The following RALGAPA2 variants were observed in gnomAD, a reference collection of about 807,000 sequenced individuals.
RALGAPA2 encodes the protein Ral GTPase activating protein catalytic subunit alpha 2.
A neutral mutation model predicts 230.4 loss-of-function variants in RALGAPA2; 139 were observed. That is an observed-to-expected ratio of 0.60 (90% CI 0.53 to 0.69). The LOEUF is 0.69. RALGAPA2 is among the 30% of genes least tolerant of loss of function. The pLI is 0.00. For missense variants in RALGAPA2, 2,163 were observed against 2,276.0 expected, an observed-to-expected ratio of 0.95 and a Z score of 1.01; for synonymous variants, 847 against 837.8, an observed-to-expected ratio of 1.01 and a Z score of -0.19.
At chr20:20,707,290 C>T (rs2069645096) in intron 1 of RALGAPA2, among the ~76,000 whole-genome samples, 1 of 152,034 alleles carries the variant, frequency 6.6e-6, no homozygotes, top group African/African-American at 2.4e-5. Context: ...AACAAGTCAT[C>T]GAATGTTCAA....
chr20:20,501,031 C>T (rs553682008), intron 35 of RALGAPA2, among the ~76,000 whole-genome samples: 3 of 152,310 alleles, frequency 2.0e-5, no homozygotes, highest in East Asian at 1.9e-4. Context: ...TCTAAACAGA[C>T]GTGCTGTCAT....
chr20:20,637,290 CAAAG>C, intron 8 of RALGAPA2, 69 bp downstream of exon 8: 1 of 1,231,408 alleles, frequency 8.1e-7, no homozygotes. Flanking sequence ...TTAAAATAAT[CAAAG>C]GTCACTTTGA....
intron 1 of RALGAPA2, among the ~76,000 whole-genome samples, chr20:20,709,359 A>T (rs1214942200): frequency 6.6e-6 from 1 of 151,962 alleles, no homozygotes; most frequent in South Asian, 2.1e-4. Flanking sequence ...GTGGTGGTAC[A>T]TGCCTGTAGC....
chr20:20,552,580 C>A (rs2063959302), intron 23 of RALGAPA2, among the ~76,000 whole-genome samples: 1 of 152,044 alleles, frequency 6.6e-6, no homozygotes. Context: ...ATGATTCATT[C>A]TATACTTGGA....
intron 38 of RALGAPA2, 109 bp from the exon 39 acceptor site, chr20:20,396,843 G>A (rs1602247175): frequency 1.1e-6 from 1 of 906,998 alleles, no homozygotes; most frequent in Non-Finnish European, 1.7e-6. Flanking sequence ...AGCTGCCCAA[G>A]CATTTCTGCA....
At chr20:20,410,818 G>A (rs1047036434) in intron 38 of RALGAPA2, among the ~76,000 whole-genome samples, 5 of 151,998 alleles carry the variant, frequency 3.3e-5, no homozygotes, top group Admixed American at 1.3e-4. Context: ...GTTCCTTGAC[G>A]CCTCACCAGG....
chr20:20,429,461 C>T (rs899811106), intron 37 of RALGAPA2, among the ~76,000 whole-genome samples: 2 of 152,166 alleles, frequency 1.3e-5, no homozygotes, highest in Non-Finnish European at 2.9e-5. Flanking sequence ...TGGTGACTTT[C>T]TAGCTAAATC....
In RALGAPA2 at chr20:20,398,341, G is replaced by C. The variant is rs2059762079; in HGVS notation, c.5618-1607C>G. On this transcript the variant is annotated intron_variant, in intron 38 of 39. Transcript: ENST00000202677. This position sits in a 1 kb window ranked among gnomAD's most constrained non-coding sequence, Gnocchi z 4.5. The stretch of plus-strand genomic sequence containing the variant: ...AACAATGGAGGACTTGTTTGTAATT[G>C]CTGATGAGGACTGGGTTGCCCCTCT... Among the ~76,000 whole-genome samples the C allele has an allele frequency of 1.3e-5, 2 of 152,208 alleles. No individual in the cohort carries two copies. Among genetic ancestry groups the C allele is most frequent in the Admixed American group, 1.3e-4 (2 of 15,282 alleles).
chr20:20,701,998 C>T (rs2069394459), intron 1 of RALGAPA2, among the ~76,000 whole-genome samples: 1 of 151,006 alleles, frequency 6.6e-6, no homozygotes, highest in South Asian at 2.1e-4. Flanking sequence ...CAAGATCGCA[C>T]CACTGCACTC....
At position 20,420,692 on chromosome 20, in the gene RALGAPA2, C is replaced by A. The variant is rs140862159; in HGVS notation, c.5496-8544G>T. ...CAAGGAGGCAGGCACGACCCTCCCACAGGACAGATACTGGGCTCACAGATA... is the reference window on the plus strand; with the variant it reads ...CAAGGAGGCAGGCACGACCCTCCCAAAGGACAGATACTGGGCTCACAGATA... On this transcript the variant is annotated intron_variant, in intron 37 of 39. Coordinates refer to ENST00000202677, the MANE Select transcript of RALGAPA2 (RefSeq NM_020343.4). 4.1e-4 allele frequency among the ~76,000 whole-genome samples: 62 copies of A among 152,248 alleles called. No homozygotes were observed. In the East Asian group the frequency reaches 9.1e-3, roughly 22 times the overall value.
At chr20:20,678,313 A>C (rs1742196329) in intron 2 of RALGAPA2, among the ~76,000 whole-genome samples, 1 of 152,102 alleles carries the variant, frequency 6.6e-6, no homozygotes, top group African/African-American at 2.4e-5. Flanking sequence ...CAAAAATCTC[A>C]CTATTTTTAT....
intron 16 of RALGAPA2, among the ~76,000 whole-genome samples, chr20:20,596,169 C>A (rs1014592603): frequency 2.6e-5 from 4 of 152,162 alleles, no homozygotes; most frequent in African/African-American, 7.2e-5. Flanking sequence ...AGAATATGAA[C>A]AACCCACCCA....
chr20:20,524,359 T>C (rs528935028), intron 30 of RALGAPA2, 47 bp downstream of exon 30: 1 of 1,608,476 alleles, frequency 6.2e-7, no homozygotes, highest in East Asian at 2.2e-5. Context: ...TGGTTCTCTG[T>C]CATATAAACC....
chr20:20,511,377 G>A (rs1401809856), intron 32 of RALGAPA2, 52 bp from the exon 33 acceptor site: 1 of 1,515,368 alleles, frequency 6.6e-7, no homozygotes, highest in East Asian at 2.5e-5. Context: ...GAACCATTTT[G>A]CCGCTTTTCA....
intron 36 of RALGAPA2, among the ~76,000 whole-genome samples, chr20:20,474,984 T>C (rs1300278014): frequency 1.3e-5 from 2 of 152,148 alleles, no homozygotes; most frequent in African/African-American, 4.8e-5. Context: ...TGAGAAACAA[T>C]TAGAAAAGAA....
intron 23 of RALGAPA2, among the ~76,000 whole-genome samples, chr20:20,548,125 C>CCA (rs58279852): frequency 0.068 from 10,001 of 148,028 alleles, 663 homozygotes; most frequent in African/African-American, 0.17. Context: ...AGCAAAATCT[C>CCA]CACACACACA....
At position 20,512,959 on chromosome 20, in the gene RALGAPA2, G is replaced by A. The variant is rs2062756778; in HGVS notation, c.4410C>T (p.Tyr1470=). The change falls in exon 32 of 40, where the codon TAC becomes TAT. Residue 1470 remains tyrosine (Y), a synonymous_variant. Transcript: ENST00000202677. ...RVIVRDISGK[Y]SWDGKVLYGP... ...CATATAAAACCTTACCATCCCAAGA[G>A]TACTTCCCTGAGATATCCCTCACAA... 2 of 1,613,710 alleles carry A rather than the reference G, an allele frequency of 1.2e-6. No homozygotes were observed. Among genetic ancestry groups the A allele is most frequent in the Non-Finnish European group, 1.7e-6 (2 of 1,179,638 alleles).
chr20:20,501,909 G>A (rs888880681), intron 35 of RALGAPA2, among the ~76,000 whole-genome samples: 2 of 152,158 alleles, frequency 1.3e-5, no homozygotes, highest in African/African-American at 4.8e-5. Flanking sequence ...TAGGGGAACG[G>A]CCGGTGGGTG....
At chr20:20,411,994 A>C in intron 38 of RALGAPA2, 33 bp downstream of exon 38, 1 of 1,613,232 alleles carries the variant, frequency 6.2e-7, no homozygotes, top group African/African-American at 1.3e-5. Flanking sequence ...ATGCGTCTTA[A>C]GCGCGTGAGA....
Sources: allele counts gnomAD v4.1 joint callset (sites outside exome capture counted in the v4.1 genomes callset), GRCh38; gene constraint gnomAD v4.1.1; non-coding constraint Gnocchi (gnomAD v3.1); transcripts MANE v1.5; gene names NCBI Gene and HGNC (gene_info 2026-07-23, HGNC 2026-07-21).